Variants in ADORA2B observed in about 807,000 individuals in gnomAD.
The protein encoded by ADORA2B is adenosine A2b receptor, also known as adenosine receptor A2b.
Under a neutral mutation model 20.8 loss-of-function variants are expected in ADORA2B, and 18 were observed. The observed-to-expected ratio is 0.87, with a 90% CI of 0.60 to 1.29. The LOEUF (loss-of-function observed/expected upper bound fraction) is 1.29, where lower values mean the gene tolerates loss of function less well. Among genes scored for constraint, ADORA2B ranks in the 50% most tolerant of loss-of-function variants. The pLI is 0.00. For missense variants in ADORA2B, 441 were observed against 422.7 expected (o/e 1.04, Z -0.38); for synonymous variants, 179 against 178.3 (o/e 1.00, Z -0.03).
At chr17:15,894,269 T>G in the ADORA2B span, among the ~76,000 whole-genome samples, 1 of 152,192 alleles carries the variant, frequency 6.6e-6, no homozygotes, top group East Asian at 1.9e-4. Context: ...CAAGTAAAGT[T>G]ATTAATGAAC....
intron 1 of ADORA2B, among the ~76,000 whole-genome samples, chr17:15,959,495 T>TTTA (rs1491544809): frequency 3.1e-4 from 1 of 3,206 alleles, no homozygotes. Flanking sequence ...CACATTCTGA[T>TTTA]TTTTTTTTTT....
chr17:15,879,334 T>TC, the ADORA2B span, among the ~76,000 whole-genome samples: 1 of 151,944 alleles, frequency 6.6e-6, no homozygotes, highest in African/African-American at 2.4e-5. Flanking sequence ...ATGCCTGTAG[T>TC]CTCAGGTACT....
intron 1 of ADORA2B, among the ~76,000 whole-genome samples, chr17:15,960,739 G>A (rs1429147701): frequency 6.6e-6 from 1 of 151,034 alleles, no homozygotes; most frequent in Admixed American, 6.6e-5. Flanking sequence ...AGCCGGGCAT[G>A]GTGGTGGGTG....
intron 1 of ADORA2B, among the ~76,000 whole-genome samples, chr17:15,945,907 C>T (rs1004822821): frequency 2.0e-5 from 3 of 152,166 alleles, no homozygotes; most frequent in African/African-American, 4.8e-5. Context: ...AAAGCGTCAC[C>T]CCCGTGGGCG....
chr17:15,853,054 C>G, the ADORA2B span, among the ~76,000 whole-genome samples: 3 of 151,994 alleles, frequency 2.0e-5, no homozygotes, highest in Non-Finnish European at 4.4e-5. Flanking sequence ...AAGAAAACCA[C>G]CTAGACACAT....
chr17:15,879,832 C>G, the ADORA2B span, among the ~76,000 whole-genome samples: 1 of 149,162 alleles, frequency 6.7e-6, no homozygotes, highest in Non-Finnish European at 1.5e-5. Flanking sequence ...CCACCGCACC[C>G]GGCCAAAGAT....
the ADORA2B span, among the ~76,000 whole-genome samples, chr17:15,901,278 C>G: frequency 6.6e-6 from 1 of 152,008 alleles, no homozygotes; most frequent in Admixed American, 6.6e-5. Flanking sequence ...CCAGCCTGAC[C>G]AACATGGAGA....
chr17:15,936,732 G>A, the ADORA2B span, among the ~76,000 whole-genome samples: 1 of 152,216 alleles, frequency 6.6e-6, no homozygotes, highest in Non-Finnish European at 1.5e-5. Flanking sequence ...GAGGCAGAAG[G>A]ATCGCTTGCA....
At chr17:15,853,361 T>G in the ADORA2B span, among the ~76,000 whole-genome samples, 1 of 152,248 alleles carries the variant, frequency 6.6e-6, no homozygotes, top group African/African-American at 2.4e-5. Flanking sequence ...AAAGATTATC[T>G]TAAAAAGTTC....
the ADORA2B span, among the ~76,000 whole-genome samples, chr17:15,861,190 G>A: frequency 1.3e-5 from 2 of 152,240 alleles, no homozygotes; most frequent in Admixed American, 6.5e-5. Flanking sequence ...TAGTGTGCAA[G>A]ATTAAATTAA....
chr17:15,897,391 G>A, the ADORA2B span, among the ~76,000 whole-genome samples: 1 of 152,246 alleles, frequency 6.6e-6, no homozygotes, highest in East Asian at 1.9e-4. Flanking sequence ...AACATAGCAA[G>A]ACGTTGTCTC....
the ADORA2B span, among the ~76,000 whole-genome samples, chr17:15,920,470 C>G: frequency 6.6e-6 from 1 of 152,208 alleles, no homozygotes; most frequent in Non-Finnish European, 1.5e-5. Context: ...CGCCTGTAAT[C>G]CCAGCACTTT....
chr17:15,917,585 A>T, the ADORA2B span, among the ~76,000 whole-genome samples: 1 of 152,184 alleles, frequency 6.6e-6, no homozygotes, highest in Non-Finnish European at 1.5e-5. Flanking sequence ...GGGCTCCCCT[A>T]GGCGGGGCTC....
chr17:15,939,859 CAAA>C, the ADORA2B span, among the ~76,000 whole-genome samples: 3 of 53,364 alleles, frequency 5.6e-5, no homozygotes. Context: ...GACTCTGTCT[CAAA>C]AAAAAAAAAA....
At chr17:15,870,804 A>G in the ADORA2B span, among the ~76,000 whole-genome samples, 3,719 of 152,298 alleles carry the variant, frequency 0.024, 141 homozygotes, top group African/African-American at 0.084. Flanking sequence ...CACAATTCAA[A>G]AAACATAAAT....
the ADORA2B span, among the ~76,000 whole-genome samples, chr17:15,865,596 A>G: frequency 6.6e-6 from 1 of 152,178 alleles, no homozygotes; most frequent in African/African-American, 2.4e-5. Flanking sequence ...GAGGAAGTGA[A>G]AAGTCACACA....
At chr17:15,959,024 G>A (rs567435305) in intron 1 of ADORA2B, among the ~76,000 whole-genome samples, 41 of 152,210 alleles carry the variant, frequency 2.7e-4, no homozygotes, top group Non-Finnish European at 1.3e-4. Flanking sequence ...ATCGGGGGTG[G>A]GATTAGCTCT....
the ADORA2B span, among the ~76,000 whole-genome samples, chr17:15,903,777 T>C: frequency 6.6e-6 from 1 of 152,250 alleles, no homozygotes; most frequent in Non-Finnish European, 1.5e-5. Flanking sequence ...AGAGAGTTCC[T>C]GTTGCCCCCA....
chr17:15,874,042 G>GTGTGTGTGTATA, the ADORA2B span, among the ~76,000 whole-genome samples: 3 of 134,818 alleles, frequency 2.2e-5, no homozygotes, highest in East Asian at 2.2e-4. Flanking sequence ...ATATATATGT[G>GTGTGTGTGTATA]TATATATATA....
Sources: gnomAD v4.1 joint callset for allele counts (sites outside exome capture counted in the v4.1 genomes callset) on GRCh38, gnomAD v4.1.1 for gene constraint, MANE v1.5 for transcripts, NCBI Gene and HGNC (gene_info 2026-07-23, HGNC 2026-07-21) for gene names.